PPP1R16B: variants seen among roughly 807,000 people sequenced by gnomAD.
PPP1R16B encodes the protein protein phosphatase 1 regulatory subunit 16B.
A neutral mutation model predicts 61.7 loss-of-function variants in PPP1R16B; 14 were observed. That is an observed-to-expected ratio of 0.23 (90% CI 0.15 to 0.35). The LOEUF is 0.35. Among genes scored for constraint, PPP1R16B ranks in the 10% least tolerant of loss-of-function variants. The pLI is 1.00. For synonymous variants in PPP1R16B, 266 were observed against 305.3 expected (o/e 0.87, Z 1.34); for missense variants, 547 against 752.5 (o/e 0.73, Z 3.19).
At chr20:38,829,413 A>G (rs746077751) in intron 1 of PPP1R16B, among the ~76,000 whole-genome samples, 1 of 152,150 alleles carries the variant, frequency 6.6e-6, no homozygotes, top group Non-Finnish European at 1.5e-5. Flanking sequence ...CCAGTTCTGG[A>G]CACTCTGTTG....
intron 2 of PPP1R16B, among the ~76,000 whole-genome samples, chr20:38,877,909 G>A (rs142601116): frequency 0.02 from 2,442 of 121,004 alleles, 32 homozygotes; most frequent in Middle Eastern, 0.034. Context: ...TTTAGTCTCC[G>A]TTATTTTGTT....
At chr20:38,870,990 C>T (rs949483347) in intron 2 of PPP1R16B, among the ~76,000 whole-genome samples, 7 of 152,128 alleles carry the variant, frequency 4.6e-5, no homozygotes, top group African/African-American at 1.4e-4. Context: ...CCCAGTTTAC[C>T]GCAGCTGCAC....
At chr20:38,807,201 A>C (rs2084668299) in intron 1 of PPP1R16B, among the ~76,000 whole-genome samples, 1 of 151,280 alleles carries the variant, frequency 6.6e-6, no homozygotes, top group Admixed American at 6.6e-5. Context: ...CCGGAGAAAA[A>C]CCGTCCATCT....
intron 2 of PPP1R16B, among the ~76,000 whole-genome samples, chr20:38,882,843 T>C (rs899783941): frequency 6.6e-6 from 1 of 151,986 alleles, no homozygotes; most frequent in Non-Finnish European, 1.5e-5. Context: ...AGCCCAAGAA[T>C]GGGAAGAAAG....
chr20:38,850,503 C>T (rs1273699541), intron 2 of PPP1R16B, among the ~76,000 whole-genome samples: 1 of 152,162 alleles, frequency 6.6e-6, no homozygotes, highest in African/African-American at 2.4e-5. Context: ...CCTTCTAGAC[C>T]AGAATTGTGC....
At chr20:38,908,880 C>G (rs2085467395) in intron 10 of PPP1R16B, among the ~76,000 whole-genome samples, 1 of 152,240 alleles carries the variant, frequency 6.6e-6, no homozygotes, top group Non-Finnish European at 1.5e-5. Context: ...TTCCACGCCT[C>G]TGCGAGCTTC....
At chr20:38,820,310 G>C (rs577762095) in intron 1 of PPP1R16B, among the ~76,000 whole-genome samples, 17 of 152,316 alleles carry the variant, frequency 1.1e-4, no homozygotes, top group Non-Finnish European at 2.2e-4. Flanking sequence ...TGTAATCCCA[G>C]CACTTTGGGA....
chr20:38,827,626 T>C (rs1279755639), intron 1 of PPP1R16B, among the ~76,000 whole-genome samples: 1 of 152,178 alleles, frequency 6.6e-6, no homozygotes, highest in Non-Finnish European at 1.5e-5. Flanking sequence ...ATGATGGCAA[T>C]GCCCAAAGTC....
intron 2 of PPP1R16B, among the ~76,000 whole-genome samples, chr20:38,850,977 A>G (rs901915398): frequency 1.3e-5 from 2 of 151,400 alleles, no homozygotes; most frequent in Non-Finnish European, 2.9e-5. Context: ...CAAAAAAAAA[A>G]AAAAAATTGT....
At chr20:38,866,577 T>G (rs2085092065) in intron 2 of PPP1R16B, among the ~76,000 whole-genome samples, 1 of 151,926 alleles carries the variant, frequency 6.6e-6, no homozygotes, top group South Asian at 2.1e-4. Context: ...ATGTCTGGGG[T>G]GTGAGGCAAG....
chr20:38,870,052 T>G (rs1301204923), intron 2 of PPP1R16B, among the ~76,000 whole-genome samples: 1 of 151,974 alleles, frequency 6.6e-6, no homozygotes, highest in Non-Finnish European at 1.5e-5. Flanking sequence ...GCCTCCTGAG[T>G]AGCTGGGATT....
chr20:38,872,697 G>A (rs6065096), intron 2 of PPP1R16B: 7,681 of 152,538 alleles, frequency 0.05, 203 homozygotes, highest in Middle Eastern at 0.064. Flanking sequence ...TGAAGGCAGA[G>A]AGGAGCCAGG....
chr20:38,891,670 G>A (rs1261964903), intron 3 of PPP1R16B, among the ~76,000 whole-genome samples: 1 of 152,048 alleles, frequency 6.6e-6, no homozygotes, highest in Non-Finnish European at 1.5e-5. Context: ...ATTTGGTGGT[G>A]AGTGTCTCTA....
At chr20:38,876,403 T>G (rs575779032) in intron 2 of PPP1R16B, among the ~76,000 whole-genome samples, 2 of 152,346 alleles carry the variant, frequency 1.3e-5, no homozygotes, top group South Asian at 4.1e-4. Flanking sequence ...GCTGTGCTGC[T>G]GGAGCCTCAA....
intron 2 of PPP1R16B, among the ~76,000 whole-genome samples, chr20:38,873,702 T>C (rs949268894): frequency 5.3e-5 from 8 of 151,716 alleles, no homozygotes; most frequent in African/African-American, 1.9e-4. Context: ...CCAGAACAGG[T>C]GATCCAAGGG....
intron 10 of PPP1R16B, among the ~76,000 whole-genome samples, chr20:38,917,900 C>T (rs2085554917): frequency 6.6e-6 from 1 of 152,166 alleles, no homozygotes. Flanking sequence ...CATCCCTGGG[C>T]CAATCCCTGT....
intron 5 of PPP1R16B, among the ~76,000 whole-genome samples, chr20:38,902,295 A>G (rs1242937562): frequency 2.6e-5 from 4 of 152,226 alleles, no homozygotes; most frequent in African/African-American, 7.2e-5. Context: ...CCCTGGTCAG[A>G]TAGGGTGGTC....
intron 10 of PPP1R16B, among the ~76,000 whole-genome samples, chr20:38,910,992 TCAAAA>T (rs553973851): frequency 3.1e-4 from 47 of 151,146 alleles, no homozygotes; most frequent in Middle Eastern, 3.2e-3. Flanking sequence ...AGACTCCGTC[TCAAAA>T]CAAAACAAAA....
chr20:38,840,268 T>C (rs1601248306), intron 2 of PPP1R16B, among the ~76,000 whole-genome samples: 1 of 151,962 alleles, frequency 6.6e-6, no homozygotes, highest in Non-Finnish European at 1.5e-5. Flanking sequence ...GAGCGTGGGG[T>C]GGCAGCTCCC....
Sources: gnomAD v4.1 joint callset for allele counts (sites outside exome capture counted in the v4.1 genomes callset) on GRCh38, gnomAD v4.1.1 for gene constraint, MANE v1.5 for transcripts, NCBI Gene and HGNC (gene_info 2026-07-23, HGNC 2026-07-21) for gene names.